Variants in PRDM11 observed in about 807,000 individuals in gnomAD.
PRDM11 encodes the protein PR/SET domain 11.
PRDM11 carries 20 observed loss-of-function variants against 97.8 expected under a neutral mutation model. The ratio of observed to expected loss-of-function variants is 0.20; its 90% CI spans 0.14 to 0.30. The LOEUF (loss-of-function observed/expected upper bound fraction) is 0.30. PRDM11 is among the 10% of genes least tolerant of loss of function. The pLI, the probability that PRDM11 is intolerant of heterozygous loss-of-function variation, is 1.00. For synonymous variants in PRDM11, 599 were observed against 637.7 expected (o/e 0.94, Z 0.91); for missense variants, 1,139 against 1,555.2 (o/e 0.73, Z 4.50).
At chr11:45,192,240 G>A (rs1379507076) in intron 4 of PRDM11, among the ~76,000 whole-genome samples, 1 of 152,200 alleles carries the variant, frequency 6.6e-6, no homozygotes, top group Non-Finnish European at 1.5e-5. Flanking sequence ...GGTACCAAGT[G>A]TGTTTAGAAG....
chr11:45,094,987 A>G (rs1851868504), upstream of PRDM11, among the ~76,000 whole-genome samples: 1 of 152,088 alleles, frequency 6.6e-6, no homozygotes, highest in Non-Finnish European at 1.5e-5. Context: ...CAGAGTCTGG[A>G]GCCACCACTG....
intron 1 of PRDM11, among the ~76,000 whole-genome samples, chr11:45,164,481 A>C (rs912552211): frequency 2.6e-5 from 4 of 152,168 alleles, no homozygotes; most frequent in African/African-American, 9.7e-5. Context: ...GGCGTGCAAG[A>C]GAAATGGAAA....
At chr11:45,183,994 G>A (rs555347571) in intron 4 of PRDM11, among the ~76,000 whole-genome samples, 55 of 152,204 alleles carry the variant, frequency 3.6e-4, no homozygotes, top group African/African-American at 7.0e-4. Context: ...AACTCTGAGG[G>A]TGATGGAGAA....
At chr11:45,107,035 CTG>C (rs1313439119) in intron 1 of PRDM11, among the ~76,000 whole-genome samples, 1 of 152,204 alleles carries the variant, frequency 6.6e-6, no homozygotes, top group Non-Finnish European at 1.5e-5. Flanking sequence ...CTGCTTCTGT[CTG>C]TGAGTGGGGT....
At chr11:45,147,344 G>GT (rs1851545170) in intron 1 of PRDM11, 3 of 152,038 alleles carry the variant, frequency 2.0e-5, no homozygotes, top group Admixed American at 2.0e-4. Flanking sequence ...CGCCGGCCTA[G>GT]TTCTCGCGGA....
At chr11:45,179,485 C>A (rs1401425027) in intron 1 of PRDM11, among the ~76,000 whole-genome samples, 1 of 152,104 alleles carries the variant, frequency 6.6e-6, no homozygotes, top group Non-Finnish European at 1.5e-5. Context: ...GACAAAATAC[C>A]GTAGATGGGG....
chr11:45,175,075 G>A (rs534366087), intron 1 of PRDM11, among the ~76,000 whole-genome samples: 35 of 152,220 alleles, frequency 2.3e-4, no homozygotes, highest in African/African-American at 6.5e-4. Flanking sequence ...CCAGCTTCCC[G>A]GTTATTAACA....
In PRDM11 at chr11:45,228,829, C is replaced by A. The variant is rs978990025; in HGVS notation, c.*670C>A. 6.6e-6 allele frequency: 1 copy of A among 152,142 alleles called. No individual in the cohort carries two copies. The highest frequency in any genetic ancestry group is 6.6e-5 in the Admixed American group (1 of 15,260). The allele number at this position is 152,142 out of a possible 1,614,324, so 9.4% of individuals were successfully genotyped here. Reference sequence around the variant, plus strand: ...AACAAAAGTGTCGGTCAAACTGTGACACTGCCACACCTCACCTCTGTTGCC... The same window carrying A: ...AACAAAAGTGTCGGTCAAACTGTGAAACTGCCACACCTCACCTCTGTTGCC... On this transcript the variant is annotated 3_prime_UTR_variant, in exon 8 of 8. Coordinates refer to ENST00000683152, the MANE Select transcript of PRDM11 (RefSeq NM_001384648.1).
intron 4 of PRDM11, among the ~76,000 whole-genome samples, chr11:45,185,334 A>G (rs1226024488): frequency 6.6e-6 from 1 of 152,234 alleles, no homozygotes; most frequent in African/African-American, 2.4e-5. Flanking sequence ...TACAATGGAC[A>G]GAATAGTCCC....
intron 1 of PRDM11, among the ~76,000 whole-genome samples, chr11:45,115,111 C>T (rs550724733): frequency 6.6e-6 from 1 of 151,650 alleles, no homozygotes; most frequent in South Asian, 2.1e-4. Flanking sequence ...AATTATAACA[C>T]GGTATTATGG....
chr11:45,226,380 G>A lies in PRDM11; in HGVS notation c.1755G>A (p.Met585Ile). ...LRMHPEKTEE[M>I]CRNMTLLFNT... ...TGCACCCGGAGAAGACAGAGGAGATGTGTCGCAACATGACCCTGCTCTTCA... is the reference window on the plus strand; with the variant it reads ...TGCACCCGGAGAAGACAGAGGAGATATGTCGCAACATGACCCTGCTCTTCA... Residue 585 changes from methionine to isoleucine, a missense_variant, in exon 8 of 8, where the codon ATG becomes ATA. Met to Ile is a conservative substitution (Grantham distance 10, BLOSUM62 1). Transcript: ENST00000683152. 2 of 1,534,000 alleles carry A rather than the reference G, an allele frequency of 1.3e-6. No homozygotes were observed. The highest frequency in any genetic ancestry group is 2.7e-5 in the African/African-American group (2 of 73,106).
chr11:45,210,686 A>G (rs1323624549), intron 5 of PRDM11, among the ~76,000 whole-genome samples: 2 of 152,182 alleles, frequency 1.3e-5, no homozygotes, highest in Non-Finnish European at 2.9e-5. Flanking sequence ...GTGGCAGTTC[A>G]CAGAGTCAGA....
rs1854300160 is a variant in PRDM11 at position 45,227,345 on chromosome 11, A to G, written c.2720A>G (p.Gln907Arg). ...IFQGEYLLVSQVDDKIEEAIQ... is the reference protein window; with the variant it reads ...IFQGEYLLVSRVDDKIEEAIQ... The stretch of plus-strand genomic sequence containing the variant: ...CAGGGCGAGTACCTGCTGGTGTCCC[A>G]GGTGGATGACAAGATCGAGGAGGCC... Residue 907 changes from glutamine to arginine, a missense_variant, in exon 8 of 8, where the codon CAG becomes CGG. Around this residue, in one of 2 missense-constraint regions of PRDM11, gnomAD observed 710 missense variants for 1,044.9 expected, o/e 0.68. Transcript: ENST00000683152. This position sits in a 1 kb window ranked among gnomAD's most constrained non-coding sequence, Gnocchi z 8.0. 2 of 1,533,860 alleles carry G rather than the reference A, an allele frequency of 1.3e-6. No individual in the cohort carries two copies. Among genetic ancestry groups the G allele is most frequent in the African/African-American group, 2.7e-5 (2 of 72,980 alleles).
rs1445720863 is a variant in PRDM11, at chr11:45,146,651, AC to A, written c.-232del. 6.6e-6 allele frequency: 1 copy of A among 152,018 alleles called. No homozygotes were observed. The highest frequency in any genetic ancestry group is 2.4e-5 in the African/African-American group (1 of 41,402). The allele number at this position is 152,018 out of a possible 1,614,324, so 9.4% of individuals were successfully genotyped here. On this transcript the variant is annotated 5_prime_UTR_variant, in exon 1 of 8. Transcript: ENST00000683152. ...TTCCGTTTTCCATGTCATTTCCTGT[AC>A]TAATAAGATGGTGGTCAAAGCAGGG... is the stretch of plus-strand genomic sequence containing the variant.
At chr11:45,167,987 G>C (rs1185251633) in intron 1 of PRDM11, among the ~76,000 whole-genome samples, 31 of 152,246 alleles carry the variant, frequency 2.0e-4, no homozygotes, top group Admixed American at 2.0e-3. Flanking sequence ...CAGGAGGACT[G>C]CGGTGCAGAA....
chr11:45,227,410 T>C lies in PRDM11; in HGVS notation c.2785T>C (p.Tyr929His). 2.0e-6 allele frequency: 3 copies of C among 1,533,838 alleles called. No homozygotes were observed. Among genetic ancestry groups the C allele is most frequent in the Non-Finnish European group, 2.6e-6 (3 of 1,146,718 alleles). Residue 929 changes from tyrosine (Y) to histidine (H), a missense_variant, in exon 8 of 8, where the codon TAC (tyrosine) becomes CAC (histidine). This residue lies in a region of PRDM11 where 710 missense variants were observed against 1,044.9 expected (regional missense o/e 0.68). Coordinates refer to ENST00000683152, the MANE Select transcript of PRDM11 (RefSeq NM_001384648.1). This position sits in a 1 kb window ranked among gnomAD's most constrained non-coding sequence, Gnocchi z 8.0. ...CCGGCTGGCTGACTCCCCGGGAGAATACCTGCAGGAGTTCGAGGAGAATTT... is the reference window on the plus strand; with the variant it reads ...CCGGCTGGCTGACTCCCCGGGAGAACACCTGCAGGAGTTCGAGGAGAATTT... ...ISRLADSPGE[Y>H]LQEFEENFRE...
At chr11:45,160,265 T>C (rs979125380) in intron 1 of PRDM11, among the ~76,000 whole-genome samples, 2 of 152,222 alleles carry the variant, frequency 1.3e-5, no homozygotes, top group African/African-American at 2.4e-5. Context: ...AGGCAGCTCA[T>C]TGGATCTTTT....
intron 1 of PRDM11, among the ~76,000 whole-genome samples, chr11:45,156,031 G>A (rs376412557): frequency 6.6e-6 from 1 of 152,192 alleles, no homozygotes; most frequent in East Asian, 1.9e-4. Context: ...GCCAGGATAT[G>A]AACCTAGGTC....
intron 1 of PRDM11, among the ~76,000 whole-genome samples, chr11:45,149,693 A>C (rs1346678061): frequency 6.6e-6 from 1 of 152,214 alleles, no homozygotes; most frequent in East Asian, 1.9e-4. Flanking sequence ...GTGGCATGGC[A>C]ACTGGTAGTA....
Sources: allele counts gnomAD v4.1 joint callset (sites outside exome capture counted in the v4.1 genomes callset), GRCh38; gene constraint gnomAD v4.1.1; regional missense constraint gnomAD v4.1.1; non-coding constraint Gnocchi (gnomAD v3.1); transcripts MANE v1.5; gene names NCBI Gene and HGNC (gene_info 2026-07-23, HGNC 2026-07-21).